The following CD200R1 variants were observed in gnomAD, a reference collection of about 807,000 sequenced individuals.
The protein encoded by CD200R1 is CD200 receptor 1.
In CD200R1, 30 loss-of-function variants were observed where a neutral mutation model predicts 38.1. That is an observed-to-expected ratio of 0.79 (90% CI 0.59 to 1.07). CD200R1 has a LOEUF of 1.07. Among genes scored for constraint, CD200R1 ranks in the 50% least tolerant of loss-of-function variants. The pLI, the probability that CD200R1 is intolerant of heterozygous loss-of-function variation, is 0.00. For synonymous variants in CD200R1, 128 were observed against 152.1 expected, an observed-to-expected ratio of 0.84 and a Z score of 1.16; for missense variants, 372 against 415.4, an observed-to-expected ratio of 0.90 and a Z score of 0.91.
intron 2 of CD200R1, among the ~76,000 whole-genome samples, chr3:112,934,576 T>C (rs578128384): frequency 6.6e-6 from 1 of 152,318 alleles, no homozygotes; most frequent in African/African-American, 2.4e-5. Flanking sequence ...ACGCCTGTAA[T>C]CCTAGCACTT....
intron 2 of CD200R1, among the ~76,000 whole-genome samples, chr3:112,934,840 A>T (rs1940539893): frequency 6.6e-6 from 1 of 152,042 alleles, no homozygotes; most frequent in African/African-American, 2.4e-5. Context: ...CAAAAAACCA[A>T]CTATATGCCA....
chr3:112,958,275 A>G (rs1310563388), intron 1 of CD200R1, among the ~76,000 whole-genome samples: 1 of 152,178 alleles, frequency 6.6e-6, no homozygotes, highest in Non-Finnish European at 1.5e-5. Flanking sequence ...TAAATCAATC[A>G]ATTATCCACA....
chr3:112,973,556 C>A (rs1232847030), intron 1 of CD200R1, among the ~76,000 whole-genome samples: 3 of 152,116 alleles, frequency 2.0e-5, no homozygotes, highest in Admixed American at 2.0e-4. Context: ...GTCTACTTCA[C>A]TGGGTTGCTG....
intron 1 of CD200R1, among the ~76,000 whole-genome samples, chr3:112,960,807 T>C (rs993259285): frequency 5.9e-5 from 9 of 152,056 alleles, no homozygotes; most frequent in Non-Finnish European, 1.2e-4. Context: ...CACAGTATAA[T>C]TATTATTTAA....
In CD200R1 at chr3:112,953,107, T is replaced by G. The variant is rs1941007444; in HGVS notation, c.68-5183A>C. Among the ~76,000 whole-genome samples, 3 of 152,314 alleles carry G rather than the reference T, an allele frequency of 2.0e-5. No homozygotes were observed. In the South Asian group the frequency reaches 6.2e-4, roughly 32 times the overall value. On this transcript the variant is annotated intron_variant, in intron 1 of 7. Coordinates refer to ENST00000308611, the MANE Select transcript of CD200R1 (RefSeq NM_138806.4). Reference sequence around the variant, plus strand: ...CTAGCTGTGAGTTTTTCATGTATAATCATTATTGCACTGAAGTACTTTCCT... The same window carrying G: ...CTAGCTGTGAGTTTTTCATGTATAAGCATTATTGCACTGAAGTACTTTCCT...
chr3:112,926,205 C>A (rs16845097), intron 5 of CD200R1, among the ~76,000 whole-genome samples: 6,099 of 152,208 alleles, frequency 0.04, 264 homozygotes, highest in East Asian at 0.22. Context: ...GCAAATCAAC[C>A]AAGGAATTGC....
intron 1 of CD200R1, among the ~76,000 whole-genome samples, chr3:112,959,474 A>G (rs1490090180): frequency 6.6e-6 from 1 of 152,162 alleles, no homozygotes; most frequent in African/African-American, 2.4e-5. Flanking sequence ...ATTTCTTTAT[A>G]GGACTTGGGG....
In CD200R1 at chr3:112,929,180, T is replaced by C. The variant is rs1940357636; in HGVS notation, c.520+10A>G. 7 of 1,614,136 alleles carry C rather than the reference T, an allele frequency of 4.3e-6. No individual in the cohort carries two copies. The highest frequency in any genetic ancestry group is 5.9e-6 in the Non-Finnish European group (7 of 1,179,994). On this transcript the variant is annotated intron_variant, in intron 4 of 7. Transcript: ENST00000308611. ...TGATGTGAAATACCTCAATATATGA[T>C]GCTCCTTACCTAACACTTGGAGGTG...
At chr3:112,961,081 C>G (rs752447781) in intron 1 of CD200R1, among the ~76,000 whole-genome samples, 5 of 151,954 alleles carry the variant, frequency 3.3e-5, no homozygotes, top group Middle Eastern at 3.4e-3. Flanking sequence ...GCGGTGAAAA[C>G]TCAAAGTTCT....
intron 2 of CD200R1, among the ~76,000 whole-genome samples, chr3:112,941,169 G>A (rs1417970816): frequency 6.6e-6 from 1 of 151,660 alleles, no homozygotes; most frequent in Non-Finnish European, 1.5e-5. Flanking sequence ...GGAAAGGGGG[G>A]AATAGAGGAA....
At chr3:112,925,554 T>C (rs1940262225) in intron 5 of CD200R1, among the ~76,000 whole-genome samples, 1 of 152,138 alleles carries the variant, frequency 6.6e-6, no homozygotes, top group South Asian at 2.1e-4. Context: ...ACCCATGGAA[T>C]GTACAACACC....
intron 1 of CD200R1, among the ~76,000 whole-genome samples, chr3:112,962,674 GCTAA>G (rs1251958982): frequency 6.6e-6 from 1 of 152,146 alleles, no homozygotes; most frequent in Non-Finnish European, 1.5e-5. Flanking sequence ...TTAATTGGCA[GCTAA>G]CTTTTTAAAA....
At chr3:112,940,575 A>C (rs538031916) in intron 2 of CD200R1, among the ~76,000 whole-genome samples, 1 of 152,022 alleles carries the variant, frequency 6.6e-6, no homozygotes, top group African/African-American at 2.4e-5. Context: ...ACTAATCATC[A>C]AGGAAATGTC....
At chr3:112,951,811 G>T (rs1033206611) in intron 1 of CD200R1, among the ~76,000 whole-genome samples, 3 of 149,130 alleles carry the variant, frequency 2.0e-5, no homozygotes, top group Non-Finnish European at 4.5e-5. Context: ...AGGAAAAAAA[G>T]GTAATAAAAG....
rs572546824 is a variant in CD200R1, at chr3:112,945,365, A to C, written c.136+2491T>G. On this transcript the variant is annotated intron_variant, in intron 2 of 7. Coordinates refer to ENST00000308611, the MANE Select transcript of CD200R1 (RefSeq NM_138806.4). ...CAAGTCAGTATTTTATTAGCAAAAG[A>C]AGAGCTAAATAAGTAAATGAAACCA... Among the ~76,000 whole-genome samples the C allele has an allele frequency of 1.4e-4, 22 of 152,344 alleles. 1 individual carries two copies. The South Asian group carries it at 4.6e-3, about 32-fold the overall frequency.
At position 112,922,044 on chromosome 3, in the gene CD200R1, C is replaced by T. The variant is rs956029466; in HGVS notation, c.*1633G>A. ...ATATGCAGAAACCTAATGGACACTG[C>T]TTTTTGGTCAAGTCAAAATGGCTTG... On this transcript the variant is annotated 3_prime_UTR_variant, in exon 8 of 8. Transcript: ENST00000308611. 2.0e-5 allele frequency: 3 copies of T among 151,984 alleles called. No homozygotes were observed. Among genetic ancestry groups the T allele is most frequent in the Non-Finnish European group, 2.9e-5 (2 of 67,950 alleles). 9.4% of individuals were successfully genotyped at this position (151,984 alleles called of 1,614,324 possible).
chr3:112,949,669 C>G (rs1052405194), intron 1 of CD200R1, among the ~76,000 whole-genome samples: 7 of 152,166 alleles, frequency 4.6e-5, no homozygotes, highest in Admixed American at 1.3e-4. Context: ...AAGAAATATG[C>G]TAGGATAGAT....
At chr3:112,957,512 C>T (rs1184121731) in intron 1 of CD200R1, among the ~76,000 whole-genome samples, 1 of 152,062 alleles carries the variant, frequency 6.6e-6, no homozygotes. Context: ...GGATTATTGG[C>T]TTAAATGTAA....
Position 112,929,271 on chromosome 3 carries a change from T to C in CD200R1, c.439A>G (p.Ile147Val). The C allele has an allele frequency of 6.2e-7, 1 of 1,614,198 alleles. No homozygotes were observed. The highest frequency in any genetic ancestry group is 8.5e-7 in the Non-Finnish European group (1 of 1,180,038). Residue 147 changes from isoleucine (I) to valine (V), a missense_variant, in exon 4 of 8, where the codon ATC (isoleucine) becomes GTC (valine). Transcript: ENST00000308611. ...NSDLQIRTVA[I>V]THDGYYRCIM... ...CATCTGTAATACCCGTCATGAGTGA[T>C]GGCCACGGTACGAATCTGAAGGTCC...
Sources: gnomAD v4.1 joint callset for allele counts (sites outside exome capture counted in the v4.1 genomes callset) on GRCh38, gnomAD v4.1.1 for gene constraint, MANE v1.5 for transcripts, NCBI Gene and HGNC (gene_info 2026-07-23, HGNC 2026-07-21) for gene names.